Variants in ABRAXAS1 observed in about 807,000 individuals in gnomAD.
The protein encoded by ABRAXAS1 is BRCA1-A complex subunit Abraxas 1.
ABRAXAS1 carries 26 observed loss-of-function variants against 38.4 expected under a neutral mutation model. The ratio of observed to expected loss-of-function variants is 0.68; its 90% CI spans 0.50 to 0.94. The LOEUF (loss-of-function observed/expected upper bound fraction) is 0.94. Ranked by LOEUF, ABRAXAS1 falls within the 40% of genes least tolerant of loss-of-function variation. The pLI, the probability that ABRAXAS1 is intolerant of heterozygous loss-of-function variation, is 0.00. For missense variants in ABRAXAS1, 438 were observed against 481.9 expected, an observed-to-expected ratio of 0.91 and a Z score of 0.85; for synonymous variants, 144 against 165.5, an observed-to-expected ratio of 0.87 and a Z score of 1.00.
intron 7 of ABRAXAS1, 182 bp downstream of exon 7, chr4:83,467,272 T>C: frequency 4.0e-6 from 2 of 496,102 alleles, no homozygotes; most frequent in South Asian, 2.6e-5. Flanking sequence ...TGTGTAAGTA[T>C]ATGTTTGCAC....
chr4:83,475,418 A>G (rs1018569109), intron 3 of ABRAXAS1, among the ~76,000 whole-genome samples: 16 of 152,144 alleles, frequency 1.1e-4, no homozygotes, highest in Non-Finnish European at 4.4e-5. Flanking sequence ...TGTGTATAGT[A>G]CATAGTCTGT....
intron 6 of ABRAXAS1, among the ~76,000 whole-genome samples, chr4:83,468,022 G>C (rs1252598829): frequency 6.6e-6 from 1 of 152,168 alleles, no homozygotes; most frequent in Non-Finnish European, 1.5e-5. Flanking sequence ...TGTGCATCTT[G>C]CCGGGCGCGG....
chr4:83,482,453 G>A (rs150223996), intron 1 of ABRAXAS1, among the ~76,000 whole-genome samples: 17 of 152,360 alleles, frequency 1.1e-4, no homozygotes, highest in East Asian at 9.6e-4. Flanking sequence ...GCTCACGCCT[G>A]TAATCCTAGC....
chr4:83,474,713 A>C (rs952686956), intron 3 of ABRAXAS1, among the ~76,000 whole-genome samples: 10 of 84,238 alleles, frequency 1.2e-4, no homozygotes, highest in African/African-American at 4.7e-4. Context: ...ACTCTGTCTC[A>C]AAAAAAAAAA....
Position 83,459,976 on chromosome 4 carries a change from T to C in ABRAXAS1, c.*2493A>G. 1 of 507,018 alleles carries C rather than the reference T, an allele frequency of 2.0e-6. No individual in the cohort carries two copies. Among genetic ancestry groups the C allele is most frequent in the East Asian group, 3.5e-5 (1 of 28,718 alleles). The allele number at this position is 507,018 out of a possible 1,614,324, so 31.4% of individuals were successfully genotyped here. A position where few individuals can be genotyped will look rare whatever the true frequency, so the allele number is the denominator to read the frequency against. Reference sequence around the variant, plus strand: ...TCTTAGGCCAAGAGGATTATTATTTTGCTGTCTTATGCAGAGTTAACTATA... The same window carrying C: ...TCTTAGGCCAAGAGGATTATTATTTCGCTGTCTTATGCAGAGTTAACTATA... On this transcript the variant is annotated 3_prime_UTR_variant, in exon 9 of 9. Transcript: ENST00000321945.
chr4:83,478,258 G>A, intron 2 of ABRAXAS1: 1 of 674,050 alleles, frequency 1.5e-6, no homozygotes, highest in Non-Finnish European at 2.8e-6. Flanking sequence ...GGGCAATCGT[G>A]GGACATGTGG....
At chr4:83,480,685 A>G (rs993584739) in intron 2 of ABRAXAS1, among the ~76,000 whole-genome samples, 4 of 152,220 alleles carry the variant, frequency 2.6e-5, no homozygotes, top group African/African-American at 7.2e-5. Flanking sequence ...CTAGGAATCT[A>G]TAATAGATAA....
intron 3 of ABRAXAS1, among the ~76,000 whole-genome samples, chr4:83,475,525 CCT>C (rs1722733452): frequency 6.6e-6 from 1 of 152,126 alleles, no homozygotes. Context: ...CTCACTTCAG[CCT>C]CTTTCTCCTG....
At chr4:83,472,987 AATAATT>A (rs1722637247) in intron 3 of ABRAXAS1, among the ~76,000 whole-genome samples, 1 of 152,164 alleles carries the variant, frequency 6.6e-6, no homozygotes, top group Non-Finnish European at 1.5e-5. Context: ...ATCCTTTATA[AATAATT>A]TTTGCCAGGG....
intron 4 of ABRAXAS1, 29 bp from the exon 5 acceptor site, chr4:83,470,425 T>C: frequency 6.7e-7 from 1 of 1,497,728 alleles, no homozygotes; most frequent in Non-Finnish European, 9.2e-7. Flanking sequence ...AGGATATACA[T>C]CTTAATAGTT....
At chr4:83,484,198 G>T in intron 1 of ABRAXAS1, 1 of 984,980 alleles carries the variant, frequency 1.0e-6, no homozygotes, top group South Asian at 4.7e-5. Context: ...TAAAATAGAC[G>T]TTATATCTTA....
Position 83,461,038 on chromosome 4 carries a change from A to G in ABRAXAS1, c.*1431T>C, listed in dbSNP as rs1009365810. On this transcript the variant is annotated 3_prime_UTR_variant, in exon 9 of 9. Coordinates refer to ENST00000321945, the MANE Select transcript of ABRAXAS1 (RefSeq NM_139076.3). ...TAAGAGAGCTCAAATAATGGGTAAG[A>G]AAGAATACCTCAACAACTGAATTGA... The G allele has an allele frequency of 6.8e-6, 11 of 1,612,890 alleles. No individual in the cohort carries two copies. Among genetic ancestry groups the G allele is most frequent in the Non-Finnish European group, 9.3e-6 (11 of 1,179,314 alleles).
At chr4:83,468,473 G>A (rs1722461887) in intron 6 of ABRAXAS1, among the ~76,000 whole-genome samples, 1 of 152,058 alleles carries the variant, frequency 6.6e-6, no homozygotes, top group Non-Finnish European at 1.5e-5. Context: ...CAGTGTTGCT[G>A]TTTTTGACAT....
At chr4:83,479,737 G>T in intron 2 of ABRAXAS1, 1 of 154,534 alleles carries the variant, frequency 6.5e-6, no homozygotes, top group Non-Finnish European at 1.4e-5. Context: ...AATGACAGGA[G>T]GATTGCTTGA....
Position 83,459,695 on chromosome 4 carries a change from A to G in ABRAXAS1, c.*2774T>C, listed in dbSNP as rs373047460. Reference sequence around the variant, plus strand: ...TTGAAATTTACACATTCAGAAATAAATAACAGATACTTTTTTTTCCCCTCC... The same window carrying G: ...TTGAAATTTACACATTCAGAAATAAGTAACAGATACTTTTTTTTCCCCTCC... On this transcript the variant is annotated 3_prime_UTR_variant, in exon 9 of 9. Transcript: ENST00000321945. 3.4e-5 allele frequency: 52 copies of G among 1,543,334 alleles called. 1 individual carries two copies. In the East Asian group the frequency reaches 3.8e-4, roughly 11 times the overall value.
At chr4:83,463,341 G>GA (rs1443742230) in intron 8 of ABRAXAS1, among the ~76,000 whole-genome samples, 153 bp downstream of exon 8, 1 of 152,216 alleles carries the variant, frequency 6.6e-6, no homozygotes, top group African/African-American at 2.4e-5. Flanking sequence ...GCTGAGGCAG[G>GA]AGAATCGCTT....
chr4:83,480,350 C>T (rs192792669), intron 2 of ABRAXAS1: 105 of 416,646 alleles, frequency 2.5e-4, no homozygotes, highest in Middle Eastern at 9.3e-4. Flanking sequence ...CCAGTCTGGG[C>T]GACAGAATGA....
chr4:83,471,278 A>G (rs566045703), intron 4 of ABRAXAS1, among the ~76,000 whole-genome samples: 28 of 131,746 alleles, frequency 2.1e-4, no homozygotes, highest in Non-Finnish European at 3.0e-4. Context: ...ATCTCAGCTC[A>G]TTGCAACCTC....
At chr4:83,474,385 T>C (rs1253906286) in intron 3 of ABRAXAS1, among the ~76,000 whole-genome samples, 1 of 152,074 alleles carries the variant, frequency 6.6e-6, no homozygotes, top group African/African-American at 2.4e-5. Context: ...CTCTATTGCA[T>C]ATTTTTCCTC....
Sources: gnomAD v4.1 joint callset for allele counts (sites outside exome capture counted in the v4.1 genomes callset) on GRCh38, gnomAD v4.1.1 for gene constraint, MANE v1.5 for transcripts, NCBI Gene and HGNC (gene_info 2026-07-23, HGNC 2026-07-21) for gene names.